The following PCDH15 variants were observed in gnomAD, a reference collection of about 807,000 sequenced individuals.
PCDH15 encodes protocadherin related 15.
A neutral mutation model predicts 178.5 loss-of-function variants in PCDH15; 129 were observed. The observed-to-expected ratio is 0.72, with a 90% CI of 0.63 to 0.84. PCDH15 has a LOEUF of 0.84. Among genes scored for constraint, PCDH15 ranks in the 40% least tolerant of loss-of-function variants. The pLI is 0.00. For synonymous variants in PCDH15, 800 were observed against 732.0 expected (o/e 1.09, Z -1.50); for missense variants, 2,230 against 2,099.9 (o/e 1.06, Z -1.21).
chr10:55,131,791 GGA>G (rs1838052699), intron 2 of PCDH15, among the ~76,000 whole-genome samples: 1 of 151,998 alleles, frequency 6.6e-6, no homozygotes, highest in Non-Finnish European at 1.5e-5. Context: ...GCTTCAAAGG[GGA>G]GAAAGTACAT....
intron 1 of PCDH15, among the ~76,000 whole-genome samples, chr10:55,288,282 T>G (rs1371873599): frequency 6.6e-6 from 1 of 151,242 alleles, no homozygotes; most frequent in African/African-American, 2.4e-5. Context: ...ATGTTCATAT[T>G]CAAAATTAAA....
chr10:54,066,839 T>C lies in PCDH15; in HGVS notation c.2138A>G (p.Asn713Ser), dbSNP rs190878515. The change falls in exon 18 of 38, where the codon AAT (asparagine) becomes AGT (serine). Residue 713 changes from asparagine to serine, a missense_variant. Coordinates refer to ENST00000644397, the MANE Select transcript of PCDH15 (RefSeq NM_001384140.1). ...CAGATAAGGATCAAACACTGGAGCA[T>C]TGTCATTGACATCTGTCACCACTAT... ...VNIVVTDVNDNAPVFDPYLPR... is the reference protein window; with the variant it reads ...VNIVVTDVNDSAPVFDPYLPR... The C allele has an allele frequency of 1.2e-5, 20 of 1,613,456 alleles. No homozygotes were observed. In the East Asian group the frequency reaches 2.0e-4, roughly 16 times the overall value.
At chr10:54,229,541 G>A (rs1397842583) in intron 9 of PCDH15, among the ~76,000 whole-genome samples, 1 of 152,134 alleles carries the variant, frequency 6.6e-6, no homozygotes, top group Non-Finnish European at 1.5e-5. Flanking sequence ...ATGGGAGGAA[G>A]CTTGTGGGAG....
chr10:54,157,864 A>G (rs1390184183), intron 13 of PCDH15, among the ~76,000 whole-genome samples: 2 of 152,194 alleles, frequency 1.3e-5, no homozygotes, highest in East Asian at 3.9e-4. Flanking sequence ...AAAGTTCCAC[A>G]AATCTCTAGA....
intron 1 of PCDH15, among the ~76,000 whole-genome samples, chr10:55,239,266 T>C (rs1012572544): frequency 1.3e-5 from 2 of 152,178 alleles, no homozygotes; most frequent in African/African-American, 2.4e-5. Context: ...TGTTCAACCA[T>C]TGATGGACCC....
At chr10:54,658,063 G>T (rs1181503428) in intron 2 of PCDH15, among the ~76,000 whole-genome samples, 2 of 151,892 alleles carry the variant, frequency 1.3e-5, no homozygotes, top group African/African-American at 2.4e-5. Context: ...TGGTTTTTTT[G>T]AATTAACCCT....
intron 8 of PCDH15, among the ~76,000 whole-genome samples, chr10:54,262,571 C>A (rs1478682836): frequency 3.9e-5 from 6 of 152,136 alleles, no homozygotes; most frequent in Admixed American, 1.3e-4. Flanking sequence ...GGCCCGTGAG[C>A]TCAGTCCCGT....
At chr10:54,116,940 G>C (rs1030684848) in intron 15 of PCDH15, among the ~76,000 whole-genome samples, 1 of 152,136 alleles carries the variant, frequency 6.6e-6, no homozygotes, top group Non-Finnish European at 1.5e-5. Context: ...GCAAGTGAAA[G>C]AAATGGTTTA....
chr10:53,900,213 CT>C (rs2082241958), intron 26 of PCDH15, among the ~76,000 whole-genome samples: 1 of 12,374 alleles, frequency 8.1e-5, no homozygotes, highest in African/African-American at 3.5e-4. Context: ...TAAACTTTCT[CT>C]CTCTCTCTCT....
chr10:55,598,400 C>T (rs1842979230), intron 2 of PCDH15, among the ~76,000 whole-genome samples: 2 of 150,848 alleles, frequency 1.3e-5, no homozygotes, highest in Admixed American at 1.3e-4. Flanking sequence ...ACTCAAAGGA[C>T]TTGGCGGTGC....
intron 1 of PCDH15, among the ~76,000 whole-genome samples, chr10:54,708,737 A>G (rs1179103840): frequency 6.6e-6 from 1 of 151,564 alleles, no homozygotes; most frequent in Non-Finnish European, 1.5e-5. Context: ...TAATTGTGCA[A>G]CCTTAAGGCT....
chr10:54,856,243 A>G (rs992624648), intron 3 of PCDH15, among the ~76,000 whole-genome samples: 3 of 152,208 alleles, frequency 2.0e-5, no homozygotes, highest in South Asian at 2.1e-4. Context: ...GGTGTGTGAC[A>G]AACACGAAAC....
intron 16 of PCDH15, among the ~76,000 whole-genome samples, chr10:54,083,548 T>C (rs548672955): frequency 1.3e-5 from 2 of 152,194 alleles, no homozygotes; most frequent in Non-Finnish European, 2.9e-5. Context: ...CATTGCATGA[T>C]TCCATTTCTG....
chr10:54,105,279 T>TAC (rs1473525006), intron 15 of PCDH15, among the ~76,000 whole-genome samples: 1 of 12,386 alleles, frequency 8.1e-5, no homozygotes, highest in Non-Finnish European at 1.4e-4. Context: ...TAGATGGAGA[T>TAC]ATATATATAT....
At chr10:55,615,205 A>G (rs1457499842) in intron 2 of PCDH15, among the ~76,000 whole-genome samples, 1 of 141,954 alleles carries the variant, frequency 7.0e-6, no homozygotes, top group African/African-American at 2.7e-5. Flanking sequence ...AACAGTGACT[A>G]TAATAAAAAA....
At chr10:55,609,504 C>A (rs562805296) in intron 2 of PCDH15, among the ~76,000 whole-genome samples, 8 of 152,032 alleles carry the variant, frequency 5.3e-5, no homozygotes, top group African/African-American at 1.7e-4. Flanking sequence ...AAAAATTGTG[C>A]CCACTGTTCA....
In PCDH15 at chr10:55,416,856, T is replaced by A. The variant is rs556090509; in HGVS notation, c.-156+210769A>T. ...CACTACAGAACAAACAAAATTCCTA[T>A]ATTTTCTGAGATCTTAATTTGTGAG... is the stretch of plus-strand genomic sequence containing the variant. On this transcript the variant is annotated intron_variant, in intron 2 of 5. Coordinates refer to the PCDH15 transcript ENST00000613346. 2.6e-5 allele frequency among the ~76,000 whole-genome samples: 4 copies of A among 151,904 alleles called. No homozygotes were observed. In the Admixed American group the frequency reaches 2.6e-4, roughly 10 times the overall value.
intron 1 of PCDH15, among the ~76,000 whole-genome samples, chr10:54,797,626 T>C (rs192558921): frequency 6.6e-6 from 1 of 152,158 alleles, no homozygotes; most frequent in East Asian, 1.9e-4. Flanking sequence ...TTTACAGGTT[T>C]CTTATTCATT....
At chr10:54,929,299 A>C (rs1437036523) in intron 2 of PCDH15, among the ~76,000 whole-genome samples, 5 of 152,086 alleles carry the variant, frequency 3.3e-5, no homozygotes, top group Non-Finnish European at 7.3e-5. Flanking sequence ...CCACTGTGCT[A>C]GGGTCTGAGG....
Sources: gnomAD v4.1 joint callset for allele counts (sites outside exome capture counted in the v4.1 genomes callset) on GRCh38, gnomAD v4.1.1 for gene constraint, MANE v1.5 for transcripts, NCBI Gene and HGNC (gene_info 2026-07-23, HGNC 2026-07-21) for gene names.